The following FNDC3A variants were observed in gnomAD, a reference collection of about 807,000 sequenced individuals.
FNDC3A encodes the protein fibronectin type-III domain-containing protein 3A.
Under a neutral mutation model 148.9 loss-of-function variants are expected in FNDC3A, and 32 were observed. The ratio of observed to expected loss-of-function variants is 0.21; its 90% confidence interval spans 0.16 to 0.29. FNDC3A has a LOEUF of 0.29. Ranked by LOEUF, FNDC3A falls within the 10% of genes least tolerant of loss-of-function variation. FNDC3A has a pLI of 1.00. For missense variants in FNDC3A, 1,191 were observed against 1,452.8 expected (o/e 0.82, Z 2.93); for synonymous variants, 472 against 473.6 (o/e 1.00, Z 0.04).
rs1885886454 is a variant in FNDC3A, at chr13:49,191,503, A to C, written c.2226+119A>C. The C allele has an allele frequency of 3.5e-5, 24 of 680,740 alleles. No homozygotes were observed. In the South Asian group the frequency reaches 5.7e-4, roughly 16 times the overall value. The allele number at this position is 680,740 out of a possible 1,614,324, so 42.2% of individuals were successfully genotyped here. ...TTTAACATATGACTCCAAATTTTAC[A>C]ATTTTTAACAAGCCTACATTGATAA... is the stretch of plus-strand genomic sequence containing the variant. On this transcript the variant is annotated intron_variant, in intron 19 of 25. Coordinates refer to ENST00000492622, the MANE Select transcript of FNDC3A (RefSeq NM_001079673.2).
At chr13:49,031,196 G>C (rs1874092765) in intron 2 of FNDC3A, among the ~76,000 whole-genome samples, 1 of 152,114 alleles carries the variant, frequency 6.6e-6, no homozygotes, top group Non-Finnish European at 1.5e-5. Flanking sequence ...AGACCAGCCT[G>C]GCCAAGATGG....
chr13:49,153,896 G>C (rs1883481011), intron 8 of FNDC3A, among the ~76,000 whole-genome samples: 1 of 126,576 alleles, frequency 7.9e-6, no homozygotes, highest in Non-Finnish European at 1.7e-5. Flanking sequence ...TTTGGTACCA[G>C]TACCATGCTG....
chr13:49,204,157 T>C lies in FNDC3A; in HGVS notation c.3282+873T>C, dbSNP rs372960538. ...AAGTTATAATGGAAACCTAGAGGAA[T>C]TGTCACCTTCCTAGCCAAGAGGTTT... is the stretch of plus-strand genomic sequence containing the variant. On this transcript the variant is annotated intron_variant, in intron 25 of 25. Coordinates refer to ENST00000492622, the MANE Select transcript of FNDC3A (RefSeq NM_001079673.2). Among the ~76,000 whole-genome samples the C allele has an allele frequency of 4.5e-4, 68 of 152,334 alleles. 1 individual carries two copies. In the South Asian group the frequency reaches 0.013, roughly 30 times the overall value.
intron 4 of FNDC3A, among the ~76,000 whole-genome samples, chr13:49,128,366 T>C (rs962115338): frequency 1.3e-5 from 2 of 152,156 alleles, no homozygotes; most frequent in Admixed American, 6.5e-5. Context: ...CTGTCAAATA[T>C]AAGGTTACAT....
chr13:49,115,053 T>C (rs1367591470), intron 4 of FNDC3A, among the ~76,000 whole-genome samples: 1 of 152,180 alleles, frequency 6.6e-6, no homozygotes, highest in Non-Finnish European at 1.5e-5. Flanking sequence ...ATTTTTAAAT[T>C]TAGAAATTTG....
chr13:48,978,091 A>T (rs1269351557), intron 1 of FNDC3A, among the ~76,000 whole-genome samples: 19 of 152,074 alleles, frequency 1.2e-4, no homozygotes, highest in Admixed American at 1.2e-3. Flanking sequence ...ACATTCTAGG[A>T]TTATCTTCTT....
At chr13:49,039,337 C>T (rs1213157382) in intron 2 of FNDC3A, among the ~76,000 whole-genome samples, 1 of 152,170 alleles carries the variant, frequency 6.6e-6, no homozygotes, top group East Asian at 1.9e-4. Context: ...TCAGACATCA[C>T]TTAGCTCTAA....
intron 4 of FNDC3A, among the ~76,000 whole-genome samples, chr13:49,116,785 C>A (rs369463451): frequency 3.3e-3 from 463 of 139,988 alleles, no homozygotes; most frequent in Middle Eastern, 7.4e-3. Flanking sequence ...GACTCCGTCT[C>A]AAAAAAAAAA....
Position 49,136,480 on chromosome 13 carries a change from T to C in FNDC3A, c.639T>C (p.Ser213=). ...CATCATCACCCCAGAAATGCCCTTCTCCCATTAATGAACATAATGGACTTA... is the reference window on the plus strand; with the variant it reads ...CATCATCACCCCAGAAATGCCCTTCCCCCATTAATGAACATAATGGACTTA... ...SPPSSPQKCP[S]PINEHNGLIK... is the part of the protein sequence containing the mutation. Residue 213 remains serine, a synonymous_variant, in exon 6 of 26, where the codon TCT becomes TCC. Coordinates refer to ENST00000492622, the MANE Select transcript of FNDC3A (RefSeq NM_001079673.2). 6.2e-7 allele frequency: 1 copy of C among 1,614,056 alleles called. No individual in the cohort carries two copies. The highest frequency in any genetic ancestry group is 8.5e-7 in the Non-Finnish European group (1 of 1,179,980).
At chr13:49,054,618 A>T (rs1876092673) in intron 2 of FNDC3A, among the ~76,000 whole-genome samples, 1 of 152,240 alleles carries the variant, frequency 6.6e-6, no homozygotes, top group Non-Finnish European at 1.5e-5. Context: ...TGGAAGGAAG[A>T]ACAGTAAGAG....
At chr13:49,003,117 G>A (rs931124960) in intron 1 of FNDC3A, among the ~76,000 whole-genome samples, 5 of 152,114 alleles carry the variant, frequency 3.3e-5, no homozygotes, top group South Asian at 2.1e-4. Flanking sequence ...CCAGGCTGGA[G>A]TTCAGTGGCA....
At chr13:49,089,918 T>C (rs990671588) in intron 3 of FNDC3A, among the ~76,000 whole-genome samples, 3 of 152,116 alleles carry the variant, frequency 2.0e-5, no homozygotes, top group African/African-American at 7.2e-5. Flanking sequence ...TAAATTACGG[T>C]ACAAAGATAG....
chr13:49,051,958 T>A (rs1875874056), intron 2 of FNDC3A, among the ~76,000 whole-genome samples: 1 of 152,092 alleles, frequency 6.6e-6, no homozygotes, highest in South Asian at 2.1e-4. Flanking sequence ...GCTTGTTTGA[T>A]TCTATTGCTG....
chr13:49,070,208 T>C (rs1394327280), intron 2 of FNDC3A, among the ~76,000 whole-genome samples: 1 of 152,142 alleles, frequency 6.6e-6, no homozygotes. Context: ...CTCGGCTCAC[T>C]GCAACCTCCG....
chr13:49,200,152 A>G (rs1342047395), intron 23 of FNDC3A, among the ~76,000 whole-genome samples: 1 of 152,170 alleles, frequency 6.6e-6, no homozygotes, highest in Admixed American at 6.5e-5. Context: ...AATCTGATGG[A>G]CTCAGAATAC....
intron 2 of FNDC3A, among the ~76,000 whole-genome samples, chr13:49,031,377 C>T (rs868337593): frequency 1.3e-4 from 20 of 152,026 alleles, no homozygotes; most frequent in African/African-American, 4.6e-4. Flanking sequence ...AGTGAGACTC[C>T]ATCTCAAATA....
chr13:49,063,802 CT>C (rs1193969603), intron 2 of FNDC3A, among the ~76,000 whole-genome samples: 6 of 152,038 alleles, frequency 3.9e-5, no homozygotes, highest in Non-Finnish European at 8.8e-5. Flanking sequence ...AGCTGTTTTT[CT>C]TTTCTCAGTA....
intron 2 of FNDC3A, among the ~76,000 whole-genome samples, chr13:49,058,094 C>A (rs1239204780): frequency 6.6e-6 from 1 of 152,100 alleles, no homozygotes; most frequent in African/African-American, 2.4e-5. Flanking sequence ...CCCTCAGACA[C>A]CGAGTTAAAG....
intron 2 of FNDC3A, among the ~76,000 whole-genome samples, chr13:49,059,438 T>G (rs949819187): frequency 6.6e-6 from 1 of 152,162 alleles, no homozygotes; most frequent in African/African-American, 2.4e-5. Flanking sequence ...TATAGAATGA[T>G]AGAAACTGTT....
Sources: allele counts gnomAD v4.1 joint callset (sites outside exome capture counted in the v4.1 genomes callset), GRCh38; gene constraint gnomAD v4.1.1; transcripts MANE v1.5; gene names NCBI Gene and HGNC (gene_info 2026-07-23, HGNC 2026-07-21).